MAGI1: variants seen among roughly 807,000 people sequenced by gnomAD.
MAGI1 encodes membrane associated guanylate kinase, WW and PDZ domain containing 1.
MAGI1 carries 58 observed loss-of-function variants against 139.9 expected under a neutral mutation model. The observed-to-expected ratio is 0.41, with a 90% CI of 0.34 to 0.52. The LOEUF (loss-of-function observed/expected upper bound fraction) is 0.52, where lower values mean the gene tolerates loss of function less well. MAGI1 is among the 20% of genes least tolerant of loss of function. The pLI is 0.12. For synonymous variants in MAGI1, 812 were observed against 737.9 expected (o/e 1.10, Z -1.63); for missense variants, 1,874 against 1,901.6 (o/e 0.99, Z 0.27).
At chr3:65,489,671 G>C (rs1559601347) in intron 3 of MAGI1, among the ~76,000 whole-genome samples, 1 of 152,204 alleles carries the variant, frequency 6.6e-6, no homozygotes, top group Non-Finnish European at 1.5e-5. Flanking sequence ...AGGTGAAACT[G>C]TATGCGGTAA....
intron 2 of MAGI1, among the ~76,000 whole-genome samples, chr3:65,601,018 T>G (rs1170126102): frequency 2.6e-5 from 4 of 152,178 alleles, no homozygotes; most frequent in Admixed American, 6.5e-5. Flanking sequence ...GGAACTGTGA[T>G]GAAGACTAAC....
chr3:65,882,975 G>A (rs76068148), intron 1 of MAGI1, among the ~76,000 whole-genome samples: 3,536 of 151,482 alleles, frequency 0.023, 60 homozygotes, highest in Non-Finnish European at 0.036. Context: ...GAAAGAAAAG[G>A]GAAAAGGGAA....
chr3:65,490,858 G>GA (rs377381113), intron 3 of MAGI1, among the ~76,000 whole-genome samples: 4 of 128,336 alleles, frequency 3.1e-5, no homozygotes, highest in African/African-American at 1.2e-4. Context: ...AAAAAAAAAA[G>GA]AAAAAAGAAA....
chr3:65,586,599 T>A (rs999046301), intron 2 of MAGI1, among the ~76,000 whole-genome samples: 4 of 151,932 alleles, frequency 2.6e-5, no homozygotes, highest in Admixed American at 2.6e-4. Flanking sequence ...TGACAGAAAT[T>A]AAACACAAAG....
At chr3:65,714,933 G>A (rs577292483) in intron 1 of MAGI1, among the ~76,000 whole-genome samples, 71 of 152,054 alleles carry the variant, frequency 4.7e-4, no homozygotes, top group African/African-American at 1.6e-3. Flanking sequence ...TGCTCTCCCC[G>A]AAACTCAGAA....
intron 1 of MAGI1, among the ~76,000 whole-genome samples, chr3:65,859,549 T>G (rs1034997370): frequency 2.6e-5 from 4 of 151,734 alleles, no homozygotes; most frequent in African/African-American, 4.8e-5. Flanking sequence ...GCCAATGCAG[T>G]GAAACCCCGC....
At chr3:65,890,226 G>A (rs1197887062) in intron 1 of MAGI1, among the ~76,000 whole-genome samples, 1 of 152,130 alleles carries the variant, frequency 6.6e-6, no homozygotes, top group African/African-American at 2.4e-5. Context: ...TTAGCCGGGC[G>A]TGGTGGCGGG....
chr3:65,384,462 G>A (rs1943289987), intron 14 of MAGI1, among the ~76,000 whole-genome samples: 1 of 152,190 alleles, frequency 6.6e-6, no homozygotes, highest in East Asian at 1.9e-4. Flanking sequence ...ATAGGAGGTG[G>A]GGTGCAGTGG....
chr3:65,853,964 C>T (rs947002985), intron 1 of MAGI1, among the ~76,000 whole-genome samples: 2 of 151,926 alleles, frequency 1.3e-5, no homozygotes, highest in South Asian at 2.1e-4. Flanking sequence ...AAAAATTAGC[C>T]GGGTGTTGTG....
intron 1 of MAGI1, among the ~76,000 whole-genome samples, chr3:65,907,415 T>C (rs977980855): frequency 1.3e-5 from 2 of 152,160 alleles, no homozygotes; most frequent in African/African-American, 4.8e-5. Flanking sequence ...AGGTCTCTGC[T>C]GTCAAATCCT....
At chr3:65,985,128 G>A (rs2065814988) in intron 1 of MAGI1, among the ~76,000 whole-genome samples, 1 of 152,178 alleles carries the variant, frequency 6.6e-6, no homozygotes, top group Non-Finnish European at 1.5e-5. Flanking sequence ...TGATTTCTGT[G>A]AGGAGCGAGA....
At chr3:66,032,870 G>A (rs374992212) in intron 1 of MAGI1, among the ~76,000 whole-genome samples, 23 of 140,528 alleles carry the variant, frequency 1.6e-4, no homozygotes, top group African/African-American at 5.1e-4. Flanking sequence ...AGCCGAGATC[G>A]CACCACTGCA....
intron 1 of MAGI1, among the ~76,000 whole-genome samples, chr3:65,859,237 G>A (rs1015647645): frequency 1.3e-5 from 2 of 151,978 alleles, no homozygotes; most frequent in South Asian, 2.1e-4. Context: ...GGTGGCTGAG[G>A]TGGAAGAATC....
chr3:65,753,697 CAAAA>C (rs35459634), intron 1 of MAGI1, among the ~76,000 whole-genome samples: 4 of 104,186 alleles, frequency 3.8e-5, no homozygotes, highest in Non-Finnish European at 4.4e-5. Context: ...AACTCCATCT[CAAAA>C]AAAAAAAAAA....
At chr3:65,863,281 C>T (rs891081409) in intron 1 of MAGI1, among the ~76,000 whole-genome samples, 5 of 152,312 alleles carry the variant, frequency 3.3e-5, no homozygotes, top group Admixed American at 2.6e-4. Flanking sequence ...TCCTTTACTA[C>T]AAGACTATTA....
intron 1 of MAGI1, among the ~76,000 whole-genome samples, chr3:65,951,039 A>T (rs373742604): frequency 1.2e-5 from 1 of 83,680 alleles, no homozygotes; most frequent in Non-Finnish European, 2.7e-5. Context: ...AAGGAAGGAA[A>T]GGAGGGAGGG....
chr3:65,510,312 T>G (rs917131871), intron 2 of MAGI1, among the ~76,000 whole-genome samples: 60 of 152,268 alleles, frequency 3.9e-4, no homozygotes, highest in South Asian at 6.2e-4. Flanking sequence ...GAGAATGACT[T>G]TGATGAGCTG....
chr3:65,848,391 A>C (rs1159015719), intron 1 of MAGI1, among the ~76,000 whole-genome samples: 2 of 152,154 alleles, frequency 1.3e-5, no homozygotes, highest in Non-Finnish European at 2.9e-5. Context: ...TGGCCTGAGA[A>C]TCTACTTCAG....
intron 1 of MAGI1, among the ~76,000 whole-genome samples, chr3:65,866,635 ATACAT>A (rs970409573): frequency 6.6e-6 from 1 of 152,078 alleles, no homozygotes; most frequent in Non-Finnish European, 1.5e-5. Context: ...ATTTATATAT[ATACAT>A]AGGGCTGACA....
Sources: allele counts gnomAD v4.1 joint callset (sites outside exome capture counted in the v4.1 genomes callset), GRCh38; gene constraint gnomAD v4.1.1; transcripts MANE v1.5; gene names NCBI Gene and HGNC (gene_info 2026-07-23, HGNC 2026-07-21).